RANBP2: variants seen among roughly 807,000 people sequenced by gnomAD.
RANBP2 encodes RAN binding protein 2.
A neutral mutation model predicts 303.6 loss-of-function variants in RANBP2; 57 were observed. The ratio of observed to expected loss-of-function variants is 0.19; its 90% CI spans 0.15 to 0.23. RANBP2 has a LOEUF of 0.23. Ranked by LOEUF, RANBP2 falls within the 10% of genes least tolerant of loss-of-function variation. The pLI, the probability that RANBP2 is intolerant of heterozygous loss-of-function variation, is 1.00. For synonymous variants in RANBP2, 1,167 were observed against 1,301.5 expected (o/e 0.90, Z 2.23); for missense variants, 3,138 against 3,780.8 (o/e 0.83, Z 4.46).
the RANBP2 span, among the ~76,000 whole-genome samples, chr2:109,052,433 A>G: frequency 6.6e-6 from 1 of 152,200 alleles, no homozygotes. Flanking sequence ...TATTACATTT[A>G]TACTTTTGGG....
the RANBP2 span, among the ~76,000 whole-genome samples, chr2:109,582,422 T>G: frequency 6.6e-6 from 1 of 151,984 alleles, no homozygotes; most frequent in Non-Finnish European, 1.5e-5. Flanking sequence ...CAGGCTCAAG[T>G]GATAGTCCCA....
the RANBP2 span, among the ~76,000 whole-genome samples, chr2:109,073,125 AT>A: frequency 1.3e-5 from 2 of 152,218 alleles, no homozygotes; most frequent in Non-Finnish European, 2.9e-5. Flanking sequence ...CAGACAAAAA[AT>A]CAAAAGACCT....
At chr2:108,902,274 G>T in the RANBP2 span, among the ~76,000 whole-genome samples, 4 of 152,094 alleles carry the variant, frequency 2.6e-5, no homozygotes, top group Admixed American at 2.0e-4. Flanking sequence ...TACTTGGGAG[G>T]CTGAGGCAAG....
the RANBP2 span, among the ~76,000 whole-genome samples, chr2:109,070,612 C>A: frequency 6.6e-6 from 1 of 152,080 alleles, no homozygotes; most frequent in Non-Finnish European, 1.5e-5. Context: ...GTGATCCCAG[C>A]ACTTTGGGAG....
the RANBP2 span, among the ~76,000 whole-genome samples, chr2:109,057,582 G>A: frequency 0.012 from 1,783 of 152,318 alleles, 38 homozygotes; most frequent in African/African-American, 0.04. Context: ...ACAGTAGTGG[G>A]GCTTGGGCCA....
chr2:109,057,668 T>C, the RANBP2 span, among the ~76,000 whole-genome samples: 1 of 152,248 alleles, frequency 6.6e-6, no homozygotes, highest in Admixed American at 6.5e-5. Flanking sequence ...ATTAGCTGTG[T>C]TCTGTTTCTA....
the RANBP2 span, among the ~76,000 whole-genome samples, chr2:109,148,095 C>T: frequency 6.6e-6 from 1 of 152,164 alleles, no homozygotes; most frequent in African/African-American, 2.4e-5. Flanking sequence ...GGCTGGGCTG[C>T]CAGCCGGGTC....
chr2:109,171,415 A>C, the RANBP2 span, among the ~76,000 whole-genome samples: 1 of 152,330 alleles, frequency 6.6e-6, no homozygotes, highest in South Asian at 2.1e-4. Context: ...AATTATCTGC[A>C]TATTGACTTG....
chr2:109,509,109 C>T, the RANBP2 span, among the ~76,000 whole-genome samples: 3 of 152,206 alleles, frequency 2.0e-5, no homozygotes, highest in Non-Finnish European at 4.4e-5. Context: ...TGGGCATCTT[C>T]TCTCCACCCC....
the RANBP2 span, among the ~76,000 whole-genome samples, chr2:109,649,286 T>G: frequency 6.6e-6 from 1 of 152,216 alleles, no homozygotes; most frequent in Non-Finnish European, 1.5e-5. Context: ...TCCTGGAGAC[T>G]AAATGAATAA....
the RANBP2 span, chr2:109,129,523 G>A: frequency 6.7e-7 from 1 of 1,495,972 alleles, no homozygotes; most frequent in Non-Finnish European, 8.9e-7. Flanking sequence ...GCGCGAGACC[G>A]CTGCGGGCGC....
the RANBP2 span, among the ~76,000 whole-genome samples, chr2:109,038,563 G>A: frequency 5.9e-5 from 9 of 152,002 alleles, no homozygotes; most frequent in Non-Finnish European, 1.2e-4. Context: ...ATTTTGCCCC[G>A]TGAAAGACCT....
the RANBP2 span, among the ~76,000 whole-genome samples, chr2:109,034,955 G>T: frequency 6.6e-6 from 1 of 152,138 alleles, no homozygotes; most frequent in Non-Finnish European, 1.5e-5. Context: ...AAAGAAAAAA[G>T]AAAAGGAGAC....
At chr2:109,450,377 G>A in the RANBP2 span, among the ~76,000 whole-genome samples, 1 of 150,770 alleles carries the variant, frequency 6.6e-6, no homozygotes. Flanking sequence ...AAGAAAATCT[G>A]AGTCCAAGAA....
chr2:109,367,449 T>G, the RANBP2 span, among the ~76,000 whole-genome samples: 1 of 151,914 alleles, frequency 6.6e-6, no homozygotes, highest in Non-Finnish European at 1.5e-5. Context: ...GCCTGGCTAG[T>G]TGTTGTATTT....
chr2:108,760,504 A>G (rs530386752), intron 18 of RANBP2, among the ~76,000 whole-genome samples: 13 of 152,140 alleles, frequency 8.5e-5, no homozygotes, highest in Admixed American at 3.9e-4. Context: ...TCCTAGTTTT[A>G]TAGGGTATTC....
chr2:109,023,882 G>C, the RANBP2 span, among the ~76,000 whole-genome samples: 15 of 152,082 alleles, frequency 9.9e-5, no homozygotes, highest in African/African-American at 3.4e-4. Context: ...TCTCCTTCAA[G>C]GTAATGTACC....
At chr2:109,619,551 A>G in the RANBP2 span, among the ~76,000 whole-genome samples, 2 of 152,192 alleles carry the variant, frequency 1.3e-5, no homozygotes, top group Non-Finnish European at 2.9e-5. Context: ...CCTTTGGTGT[A>G]ATCGCCCACT....
chr2:109,087,777 T>A, the RANBP2 span, among the ~76,000 whole-genome samples: 4 of 152,002 alleles, frequency 2.6e-5, no homozygotes, highest in Non-Finnish European at 4.4e-5. Flanking sequence ...ATGCTGCAGG[T>A]GGGGCCCTGG....
Sources: gnomAD v4.1 joint callset for allele counts (sites outside exome capture counted in the v4.1 genomes callset) on GRCh38, gnomAD v4.1.1 for gene constraint, MANE v1.5 for transcripts, NCBI Gene and HGNC (gene_info 2026-07-23, HGNC 2026-07-21) for gene names.